The following JPH3 variants were observed in gnomAD, a reference collection of about 807,000 sequenced individuals.
JPH3 encodes junctophilin-3.
In JPH3, 11 loss-of-function variants were observed where a neutral mutation model predicts 59.6. The observed-to-expected ratio is 0.18, with a 90% confidence interval of 0.12 to 0.31. The LOEUF is 0.31. Ranked by LOEUF, JPH3 falls within the 10% of genes least tolerant of loss-of-function variation. The probability of loss-of-function intolerance (pLI) is 1.00; values close to 1 mark genes in which losing one functional copy is unlikely to be tolerated. For missense variants in JPH3, 1,202 were observed against 1,105.7 expected, an observed-to-expected ratio of 1.09 and a Z score of -1.24; for synonymous variants, 673 against 483.6, an observed-to-expected ratio of 1.39 and a Z score of -5.14.
rs1263775669 is a variant in JPH3 at position 87,620,479 on chromosome 16, A to AGAGAGAGGGAGAGAAGGAGAGG, written c.382+16951_382+16952insGAGAGAGGGAGAGAAGGAGAGG. The stretch of plus-strand genomic sequence containing the variant: ...AGGAGAGAGAGGGAGAGAAGGAGAG[A>AGAGAGAGGGAGAGAAGGAGAGG]AGAGAGGGAGAGGGGGAGGGGAAGA... On this transcript the variant is annotated intron_variant, in intron 1 of 4. Transcript: ENST00000284262. Among the ~76,000 whole-genome samples the AGAGAGAGGGAGAGAAGGAGAGG allele has an allele frequency of 4.0e-3, 414 of 103,688 alleles. 4 individuals are homozygous for AGAGAGAGGGAGAGAAGGAGAGG. Among genetic ancestry groups the AGAGAGAGGGAGAGAAGGAGAGG allele is most frequent in the Non-Finnish European group, 6.4e-3 (326 of 51,210 alleles). 68.0% of individuals were successfully genotyped at this position (103,688 alleles called of 152,430 possible).
intron 1 of JPH3, among the ~76,000 whole-genome samples, chr16:87,625,122 G>C (rs185956040): frequency 1.3e-5 from 2 of 152,226 alleles, no homozygotes; most frequent in East Asian, 3.9e-4. Context: ...TTTTTAAGAC[G>C]GAGTCTCACT....
intron 2 of JPH3, among the ~76,000 whole-genome samples, chr16:87,662,970 C>T (rs2032752861): frequency 6.6e-6 from 1 of 152,212 alleles, no homozygotes; most frequent in Admixed American, 6.5e-5. Context: ...CCTGAGCTCA[C>T]TAATCTCAGC....
intron 4 of JPH3, chr16:87,694,028 G>A (rs1331535528): frequency 6.6e-6 from 1 of 152,284 alleles, no homozygotes; most frequent in Non-Finnish European, 1.5e-5. Context: ...CAACGCAGGA[G>A]TGGTCAGAGC....
At chr16:87,607,116 C>T (rs1405618429) in intron 1 of JPH3, among the ~76,000 whole-genome samples, 3 of 152,170 alleles carry the variant, frequency 2.0e-5, no homozygotes, top group South Asian at 2.1e-4. Context: ...TTCTCTTGTG[C>T]GTACAGTGGC....
At chr16:87,686,414 TC>T (rs2033419383) in intron 3 of JPH3, among the ~76,000 whole-genome samples, 1 of 133,160 alleles carries the variant, frequency 7.5e-6, no homozygotes, top group African/African-American at 3.0e-5. Flanking sequence ...CAGAGATGCT[TC>T]CTGGAGGGCT....
rs564630007 is a variant in JPH3 at position 87,696,685 on chromosome 16, G to C, written c.*25G>C. 3 of 1,581,698 alleles carry C rather than the reference G, an allele frequency of 1.9e-6. No homozygotes were observed. The South Asian group carries it at 3.3e-5, about 17-fold the overall frequency. On this transcript the variant is annotated 3_prime_UTR_variant, in exon 5 of 5. Coordinates refer to ENST00000284262, the MANE Select transcript of JPH3 (RefSeq NM_020655.4). ...ATGAGATGTCGCGGTAGCAAAAATAGAGAAAGGGTAGAAAAAAGGGACATT... is the reference window on the plus strand; with the variant it reads ...ATGAGATGTCGCGGTAGCAAAAATACAGAAAGGGTAGAAAAAAGGGACATT...
At chr16:87,685,636 C>T (rs1156697646) in intron 3 of JPH3, among the ~76,000 whole-genome samples, 1 of 152,264 alleles carries the variant, frequency 6.6e-6, no homozygotes, top group Non-Finnish European at 1.5e-5. Flanking sequence ...CCGTCGGGGG[C>T]ACCTGCCAGA....
At chr16:87,679,960 C>G (rs1003521425) in intron 2 of JPH3, among the ~76,000 whole-genome samples, 1 of 152,256 alleles carries the variant, frequency 6.6e-6, no homozygotes, top group Non-Finnish European at 1.5e-5. Flanking sequence ...CAACCCCACC[C>G]AGCTGACCAG....
chr16:87,673,403 C>T (rs1034802140), intron 2 of JPH3, among the ~76,000 whole-genome samples: 1 of 152,040 alleles, frequency 6.6e-6, no homozygotes, highest in African/African-American at 2.4e-5. Flanking sequence ...TAAATGTCCT[C>T]CCTGGAGAGA....
intron 1 of JPH3, 75 bp downstream of exon 1, chr16:87,603,603 G>C: frequency 6.7e-7 from 1 of 1,482,412 alleles, no homozygotes; most frequent in Non-Finnish European, 9.0e-7. Context: ...TGGATCTCTG[G>C]GGAAGTTGAG....
At chr16:87,681,068 C>T (rs997987856) in intron 2 of JPH3, among the ~76,000 whole-genome samples, 3 of 152,120 alleles carry the variant, frequency 2.0e-5, no homozygotes, top group Admixed American at 6.5e-5. Context: ...GAGACATTGA[C>T]GAAATATTAC....
At chr16:87,647,979 T>A (rs2032208567) in intron 2 of JPH3, among the ~76,000 whole-genome samples, 2 of 152,278 alleles carry the variant, frequency 1.3e-5, no homozygotes, top group South Asian at 4.1e-4. Context: ...GGTTCCCTGC[T>A]GAAGGGGGGC....
In JPH3 at chr16:87,602,979, C is replaced by T. The variant is rs2030310377; in HGVS notation, c.-168C>T. On this transcript the variant is annotated 5_prime_UTR_variant, in exon 1 of 5. Transcript: ENST00000284262. Reference sequence around the variant, plus strand: ...CGCCCCCGATTGACTGAAATTCCTCCGGAGCCGGCGCCGCGGCCGCCCGCG... The same window carrying T: ...CGCCCCCGATTGACTGAAATTCCTCTGGAGCCGGCGCCGCGGCCGCCCGCG... 1 of 664,732 alleles carries T rather than the reference C, an allele frequency of 1.5e-6. No homozygotes were observed. The highest frequency in any genetic ancestry group is 2.5e-6 in the Non-Finnish European group (1 of 407,150). The allele number at this position is 664,732 out of a possible 1,614,324, so 41.2% of individuals were successfully genotyped here.
At chr16:87,625,788 G>A (rs574810979) in intron 1 of JPH3, among the ~76,000 whole-genome samples, 15 of 152,204 alleles carry the variant, frequency 9.9e-5, no homozygotes, top group Non-Finnish European at 1.5e-4. Flanking sequence ...ACTGCGAGCC[G>A]TGGGGTGGGG....
At chr16:87,688,735 TGA>T (rs2033479896) in intron 3 of JPH3, among the ~76,000 whole-genome samples, 1 of 152,170 alleles carries the variant, frequency 6.6e-6, no homozygotes, top group Admixed American at 6.5e-5. Flanking sequence ...TGTTCTGTGC[TGA>T]GCCTAGGACG....
At chr16:87,633,117 C>A (rs988713560) in intron 1 of JPH3, among the ~76,000 whole-genome samples, 4 of 152,120 alleles carry the variant, frequency 2.6e-5, no homozygotes, top group Admixed American at 1.3e-4. Context: ...TCACAAAATA[C>A]CACAGACAGC....
At chr16:87,626,359 C>T (rs987518019) in intron 1 of JPH3, among the ~76,000 whole-genome samples, 2 of 152,210 alleles carry the variant, frequency 1.3e-5, no homozygotes, top group Non-Finnish European at 2.9e-5. Context: ...GCACACAACT[C>T]CCACCCGCCT....
At chr16:87,659,394 A>AAAAAAAAAC (rs2032626502) in intron 2 of JPH3, among the ~76,000 whole-genome samples, 1 of 143,852 alleles carries the variant, frequency 7.0e-6, no homozygotes. Context: ...AAAGAAAAAA[A>AAAAAAAAAC]AAAAGAAAAC....
At chr16:87,692,643 T>C (rs1039055093) in intron 4 of JPH3, among the ~76,000 whole-genome samples, 15 of 152,098 alleles carry the variant, frequency 9.9e-5, no homozygotes, top group Admixed American at 1.3e-4. Flanking sequence ...TGTAGGGCCC[T>C]GGCAATTCAG....
Sources: gnomAD v4.1 joint callset for allele counts (sites outside exome capture counted in the v4.1 genomes callset) on GRCh38, gnomAD v4.1.1 for gene constraint, MANE v1.5 for transcripts, NCBI Gene and HGNC (gene_info 2026-07-23, HGNC 2026-07-21) for gene names.